CLNK: variants seen among roughly 807,000 people sequenced by gnomAD.
CLNK encodes the protein cytokine-dependent hematopoietic cell linker.
A neutral mutation model predicts 68.6 loss-of-function variants in CLNK; 74 were observed. The observed-to-expected ratio is 1.08, with a 90% CI of 0.89 to 1.31. CLNK has a LOEUF of 1.31. Among genes scored for constraint, CLNK ranks in the 50% most tolerant of loss-of-function variants. The pLI, the probability that CLNK is intolerant of heterozygous loss-of-function variation, is 0.00. For missense variants in CLNK, 553 were observed against 515.3 expected, an observed-to-expected ratio of 1.07 and a Z score of -0.71; for synonymous variants, 198 against 172.2, an observed-to-expected ratio of 1.15 and a Z score of -1.17.
intron 2 of CLNK, among the ~76,000 whole-genome samples, chr4:10,636,110 A>G (rs1045711489): frequency 6.6e-6 from 1 of 152,226 alleles, no homozygotes; most frequent in African/African-American, 2.4e-5. Flanking sequence ...AACACTGTCA[A>G]GATTGAGTGG....
At chr4:10,669,304 C>CA (rs915596474) in intron 1 of CLNK, among the ~76,000 whole-genome samples, 2 of 152,036 alleles carry the variant, frequency 1.3e-5, no homozygotes, top group African/African-American at 4.8e-5. Flanking sequence ...AAATGTTTTG[C>CA]AAAAAACAGA....
chr4:10,580,121 G>C (rs530563039), intron 4 of CLNK, among the ~76,000 whole-genome samples: 24 of 151,960 alleles, frequency 1.6e-4, no homozygotes, highest in African/African-American at 5.8e-4. Context: ...ATCCAGTTCG[G>C]CACAAGACTA....
At chr4:10,728,907 A>T in the CLNK span, among the ~76,000 whole-genome samples, 1 of 151,874 alleles carries the variant, frequency 6.6e-6, no homozygotes, top group East Asian at 1.9e-4. Context: ...CCCCTTTCTT[A>T]TATTTTTAGC....
At chr4:10,693,533 G>A in the CLNK span, among the ~76,000 whole-genome samples, 1 of 152,174 alleles carries the variant, frequency 6.6e-6, no homozygotes, top group Non-Finnish European at 1.5e-5. Context: ...GGGCAAGGAA[G>A]TGTCCTCCCC....
rs775155528 is a variant in CLNK, at chr4:10,525,826, T to A, written c.731+15A>T. ...CCTCAGCCTCAGACCTGAGAAAGGA[T>A]TCCTGGCTCCTTACCTGCTAATGGC... On this transcript the variant is annotated intron_variant, in intron 14 of 18. Coordinates refer to ENST00000226951, the MANE Select transcript of CLNK (RefSeq NM_052964.4). 5.2e-6 allele frequency: 8 copies of A among 1,531,382 alleles called. No individual in the cohort carries two copies. In the South Asian group the frequency reaches 8.3e-5, roughly 16 times the overall value. 94.9% of individuals were successfully genotyped at this position (1,531,382 alleles called of 1,614,324 possible). A position where few individuals can be genotyped will look rare whatever the true frequency, so the allele number is the denominator to read the frequency against.
intron 2 of CLNK, among the ~76,000 whole-genome samples, chr4:10,633,733 A>G (rs1300203346): frequency 1.3e-5 from 2 of 152,254 alleles, no homozygotes; most frequent in African/African-American, 4.8e-5. Context: ...ACAGAAGCAG[A>G]CAGAATCTGT....
chr4:10,715,153 A>G, the CLNK span, among the ~76,000 whole-genome samples: 6 of 152,340 alleles, frequency 3.9e-5, 1 homozygote, highest in East Asian at 1.2e-3. Flanking sequence ...GGTCCGTGCT[A>G]TTTAAAATGC....
chr4:10,556,851 G>A (rs893950283), intron 8 of CLNK, among the ~76,000 whole-genome samples: 2 of 152,114 alleles, frequency 1.3e-5, no homozygotes, highest in South Asian at 4.1e-4. Context: ...GCCGAGGTGG[G>A]CAGATCACGA....
intron 1 of CLNK, among the ~76,000 whole-genome samples, chr4:10,684,310 C>T (rs1227029141): frequency 1.3e-5 from 2 of 152,154 alleles, no homozygotes; most frequent in Non-Finnish European, 2.9e-5. Context: ...TGGAGGCTTT[C>T]TTTCTAGAGG....
chr4:10,579,918 CT>C (rs1720713908), intron 4 of CLNK, among the ~76,000 whole-genome samples: 1 of 152,198 alleles, frequency 6.6e-6, no homozygotes, highest in African/African-American at 2.4e-5. Context: ...CCCCTAAACC[CT>C]ATGCAAATCA....
At chr4:10,638,058 G>A (rs930972315) in intron 2 of CLNK, among the ~76,000 whole-genome samples, 2 of 152,256 alleles carry the variant, frequency 1.3e-5, no homozygotes, top group Middle Eastern at 3.4e-3. Flanking sequence ...CAAGCCAGTG[G>A]CAGGTCCAAA....
chr4:10,681,581 A>G (rs1268427324), intron 1 of CLNK, among the ~76,000 whole-genome samples: 1 of 152,200 alleles, frequency 6.6e-6, no homozygotes, highest in Non-Finnish European at 1.5e-5. Flanking sequence ...TCTCATGCAT[A>G]AGTGTTTAGG....
chr4:10,730,881 T>C, the CLNK span, among the ~76,000 whole-genome samples: 1 of 152,206 alleles, frequency 6.6e-6, no homozygotes. Context: ...TTCGCTTAAT[T>C]AATTTACACT....
the CLNK span, among the ~76,000 whole-genome samples, chr4:10,722,115 A>T: frequency 4.1e-3 from 618 of 152,310 alleles, 3 homozygotes; most frequent in Middle Eastern, 0.014. Context: ...TGGAGGTTGC[A>T]GTGAGCCCTG....
chr4:10,510,273 T>A (rs1717522484), intron 16 of CLNK, among the ~76,000 whole-genome samples: 2 of 152,156 alleles, frequency 1.3e-5, no homozygotes, highest in South Asian at 2.1e-4. Context: ...CTAGCCCCCC[T>A]GAATAATTCA....
chr4:10,709,432 A>C, the CLNK span, among the ~76,000 whole-genome samples: 29 of 152,198 alleles, frequency 1.9e-4, no homozygotes, highest in African/African-American at 6.3e-4. Context: ...GTCTCGTGGA[A>C]GTTAAGTCAT....
At chr4:10,540,990 G>GT (rs1458587120) in intron 10 of CLNK, among the ~76,000 whole-genome samples, 2 of 152,002 alleles carry the variant, frequency 1.3e-5, no homozygotes, top group East Asian at 3.9e-4. Flanking sequence ...TGAGGTGGGC[G>GT]TATCACCTGA....
At chr4:10,555,485 T>C (rs1032880339) in intron 8 of CLNK, among the ~76,000 whole-genome samples, 4 of 152,244 alleles carry the variant, frequency 2.6e-5, no homozygotes, top group African/African-American at 7.2e-5. Flanking sequence ...ATAACTTGTA[T>C]TGTAAATACT....
intron 17 of CLNK, among the ~76,000 whole-genome samples, chr4:10,501,944 G>GA (rs1485033447): frequency 6.6e-6 from 1 of 152,070 alleles, no homozygotes; most frequent in African/African-American, 2.4e-5. Context: ...AAAACAAAAA[G>GA]AAAAAAGAAA....
Sources: allele counts gnomAD v4.1 joint callset (sites outside exome capture counted in the v4.1 genomes callset), GRCh38; gene constraint gnomAD v4.1.1; transcripts MANE v1.5; gene names NCBI Gene and HGNC (gene_info 2026-07-23, HGNC 2026-07-21).